Variants in BTBD9 observed in about 807,000 individuals in gnomAD.
BTBD9 encodes the protein BTB/POZ domain-containing protein 9.
BTBD9 carries 49 observed loss-of-function variants against 64.3 expected under a neutral mutation model. The observed-to-expected ratio is 0.76, with a 90% CI of 0.61 to 0.97. BTBD9 has a LOEUF of 0.97. Ranked by LOEUF, BTBD9 falls within the 50% of genes least tolerant of loss-of-function variation. BTBD9 has a pLI of 0.00. For synonymous variants in BTBD9, 260 were observed against 274.7 expected (o/e 0.95, Z 0.53); for missense variants, 598 against 762.1 (o/e 0.78, Z 2.53).
chr6:38,208,286 T>C (rs1446037307), intron 9 of BTBD9, among the ~76,000 whole-genome samples: 2 of 152,102 alleles, frequency 1.3e-5, no homozygotes, highest in African/African-American at 2.4e-5. Flanking sequence ...CCTCTGACAG[T>C]TCTTTATGAG....
chr6:38,628,004 A>AT (rs1419724860), intron 1 of BTBD9, among the ~76,000 whole-genome samples: 20 of 152,198 alleles, frequency 1.3e-4, no homozygotes, highest in African/African-American at 4.8e-4. Flanking sequence ...TCTATTCCAT[A>AT]TATCCTAAAG....
chr6:38,579,021 T>C (rs913589556), intron 5 of BTBD9, among the ~76,000 whole-genome samples: 2 of 152,218 alleles, frequency 1.3e-5, no homozygotes, highest in Non-Finnish European at 2.9e-5. Flanking sequence ...ATTATTATTA[T>C]ACTGTTATAA....
chr6:38,528,454 G>A (rs2127426957), intron 6 of BTBD9, among the ~76,000 whole-genome samples: 1 of 152,228 alleles, frequency 6.6e-6, no homozygotes, highest in Admixed American at 6.5e-5. Context: ...GGGTGGCCAC[G>A]GAAATGCTTG....
intron 6 of BTBD9, among the ~76,000 whole-genome samples, chr6:38,387,307 C>T (rs966954491): frequency 7.9e-5 from 12 of 152,148 alleles, no homozygotes; most frequent in African/African-American, 1.7e-4. Context: ...GAGGCTGAGG[C>T]GGGAGGATCA....
intron 7 of BTBD9, among the ~76,000 whole-genome samples, chr6:38,325,118 G>C (rs539953440): frequency 6.6e-6 from 1 of 152,210 alleles, no homozygotes; most frequent in East Asian, 1.9e-4. Flanking sequence ...TCTTAATACT[G>C]GGTGAGAAAG....
chr6:38,601,967 G>C (rs1346449363), intron 1 of BTBD9, among the ~76,000 whole-genome samples: 1 of 152,140 alleles, frequency 6.6e-6, no homozygotes, highest in Non-Finnish European at 1.5e-5. Flanking sequence ...GTAACATGTA[G>C]TAATAAACTC....
At chr6:38,588,230 G>A in intron 4 of BTBD9, 1 of 1,035,174 alleles carries the variant, frequency 9.7e-7, no homozygotes, top group South Asian at 1.3e-5. Flanking sequence ...CAACTACCCA[G>A]GCACCAGCTC....
chr6:38,309,618 G>A (rs746550485), intron 7 of BTBD9, among the ~76,000 whole-genome samples: 53 of 151,638 alleles, frequency 3.5e-4, no homozygotes, highest in Admixed American at 1.1e-3. Flanking sequence ...TCACCATGTT[G>A]GCCAGGATGG....
chr6:38,203,004 T>C (rs1762517096), intron 9 of BTBD9, among the ~76,000 whole-genome samples: 1 of 151,966 alleles, frequency 6.6e-6, no homozygotes, highest in Non-Finnish European at 1.5e-5. Flanking sequence ...CATTAAAAAA[T>C]GGGCAAAGGA....
At chr6:38,506,336 T>G (rs1772512508) in intron 6 of BTBD9, among the ~76,000 whole-genome samples, 1 of 152,192 alleles carries the variant, frequency 6.6e-6, no homozygotes, top group Admixed American at 6.5e-5. Flanking sequence ...TAGCCTACAG[T>G]TGGGCAAAAT....
At chr6:38,636,764 T>C (rs1011257492) in intron 1 of BTBD9, among the ~76,000 whole-genome samples, 1 of 152,166 alleles carries the variant, frequency 6.6e-6, no homozygotes, top group Non-Finnish European at 1.5e-5. Flanking sequence ...CTTTTTAGGA[T>C]GAAGTGGAAG....
chr6:38,375,484 G>T (rs561708879), intron 6 of BTBD9, among the ~76,000 whole-genome samples: 1 of 152,156 alleles, frequency 6.6e-6, no homozygotes, highest in Non-Finnish European at 1.5e-5. Flanking sequence ...AACTACAGAG[G>T]ATGAAAAGTC....
intron 6 of BTBD9, among the ~76,000 whole-genome samples, chr6:38,360,888 A>C (rs1004810044): frequency 2.6e-5 from 4 of 152,186 alleles, no homozygotes; most frequent in Admixed American, 6.5e-5. Context: ...AGTAGGTAAA[A>C]TTGATTTTAG....
chr6:38,384,303 T>G (rs9380741), intron 6 of BTBD9, among the ~76,000 whole-genome samples: 55,836 of 152,034 alleles, frequency 0.37, 12,433 homozygotes, highest in East Asian at 0.84. Context: ...TCAAATATGC[T>G]TGATTCTCTA....
At chr6:38,257,510 T>TACAGTATTCTC (rs1764635005) in intron 8 of BTBD9, among the ~76,000 whole-genome samples, 1 of 152,192 alleles carries the variant, frequency 6.6e-6, no homozygotes, top group Non-Finnish European at 1.5e-5. Flanking sequence ...TGATATTTCT[T>TACAGTATTCTC]ATAGTATTCT....
Position 38,366,925 on chromosome 6 carries a change from G to C in BTBD9, c.1155-21832C>G, listed in dbSNP as rs1426509311. Among the ~76,000 whole-genome samples the C allele has an allele frequency of 2.0e-5, 3 of 152,214 alleles. No individual in the cohort carries two copies. The East Asian group carries it at 5.8e-4, about 29-fold the overall frequency. ...GTTAGGTAAGGTAAGCACACAAAGT[G>C]TGCTCTCAATGTCCTGACTATAGAG... On this transcript the variant is annotated intron_variant, in intron 6 of 10. Coordinates refer to ENST00000481247, the MANE Select transcript of BTBD9 (RefSeq NM_001099272.2).
At chr6:38,292,559 TC>T (rs1256543498) in intron 7 of BTBD9, among the ~76,000 whole-genome samples, 3 of 152,170 alleles carry the variant, frequency 2.0e-5, no homozygotes, top group African/African-American at 7.2e-5. Flanking sequence ...GGTGTATGTG[TC>T]CAGGAATTTA....
chr6:38,323,968 T>C (rs1279874605), intron 7 of BTBD9, among the ~76,000 whole-genome samples: 1 of 152,080 alleles, frequency 6.6e-6, no homozygotes, highest in Non-Finnish European at 1.5e-5. Flanking sequence ...CCAGGTGTGG[T>C]AGCATGTGCC....
At chr6:38,215,216 C>T (rs967866707) in intron 9 of BTBD9, among the ~76,000 whole-genome samples, 1 of 152,154 alleles carries the variant, frequency 6.6e-6, no homozygotes, top group African/African-American at 2.4e-5. Flanking sequence ...TATGAATAAG[C>T]TCTCGGTCAT....
Sources: allele counts gnomAD v4.1 joint callset (sites outside exome capture counted in the v4.1 genomes callset), GRCh38; gene constraint gnomAD v4.1.1; transcripts MANE v1.5; gene names NCBI Gene and HGNC (gene_info 2026-07-23, HGNC 2026-07-21).